WTAP: variants seen among roughly 807,000 people sequenced by gnomAD.
WTAP encodes the protein pre-mRNA-splicing regulator WTAP.
In WTAP, 8 loss-of-function variants were observed where a neutral mutation model predicts 50.0. The ratio of observed to expected loss-of-function variants is 0.16; its 90% CI spans 0.09 to 0.29. The LOEUF is 0.29. WTAP is among the 10% of genes least tolerant of loss of function. The probability of loss-of-function intolerance (pLI) is 1.00; values close to 1 mark genes in which losing one functional copy is unlikely to be tolerated. For synonymous variants in WTAP, 194 were observed against 169.0 expected, an observed-to-expected ratio of 1.15 and a Z score of -1.15; for missense variants, 295 against 470.7, an observed-to-expected ratio of 0.63 and a Z score of 3.45.
At position 159,738,836 on chromosome 6, in the gene WTAP, A is replaced by C. The variant is rs572102224; in HGVS notation, c.31-154A>C. 4.6e-5 allele frequency among the ~76,000 whole-genome samples: 7 copies of C among 152,306 alleles called. No individual in the cohort carries two copies. In the South Asian group the frequency reaches 1.4e-3, roughly 32 times the overall value. On this transcript the variant is annotated intron_variant, in intron 2 of 7. Transcript: ENST00000621533. ...AGATACCAAATAGTTTACCTTAAAA[A>C]AAAAAAACTTTTGTAATAAAATACT...
In WTAP at chr6:159,748,795, T is replaced by A; in HGVS notation, c.452+426T>A. The stretch of plus-strand genomic sequence containing the variant: ...TAAATCATGAATTGAACATGTAAAA[T>A]TCCAGTAAAATGTAAAAACGGAATA... On this transcript the variant is annotated intron_variant, in intron 6 of 7. Transcript: ENST00000621533. The surrounding 1 kb of genome is among the most constrained non-coding windows in gnomAD (Gnocchi z 5.6). The A allele has an allele frequency of 8.1e-7, 1 of 1,233,140 alleles. No homozygotes were observed. Among genetic ancestry groups the A allele is most frequent in the Non-Finnish European group, 1.0e-6 (1 of 988,942 alleles). 76.4% of individuals were successfully genotyped at this position (1,233,140 alleles called of 1,614,324 possible).
chr6:159,738,916 G>C, intron 2 of WTAP, 74 bp from the exon 3 acceptor site: 1 of 1,099,804 alleles, frequency 9.1e-7, no homozygotes, highest in Non-Finnish European at 1.3e-6. Context: ...CTTGGGAGAT[G>C]TTTCATAGGT....
At chr6:159,733,642 C>T (rs573982147) in intron 1 of WTAP, among the ~76,000 whole-genome samples, 13 of 151,474 alleles carry the variant, frequency 8.6e-5, no homozygotes, top group Admixed American at 2.0e-4. Flanking sequence ...AAGCCCAGCA[C>T]GCTGGCTCAT....
At chr6:159,730,070 A>C (rs538280563) in intron 1 of WTAP, among the ~76,000 whole-genome samples, 71 of 152,292 alleles carry the variant, frequency 4.7e-4, no homozygotes, top group Middle Eastern at 3.4e-3. Flanking sequence ...TGTAATTTTA[A>C]AACTAGTCAA....
intron 3 of WTAP, among the ~76,000 whole-genome samples, chr6:159,740,555 C>G (rs1427860951): frequency 1.3e-5 from 2 of 152,118 alleles, no homozygotes. Context: ...CACTGAAGAT[C>G]TTTCTCTATA....
chr6:159,747,742 G>A (rs1779658522), intron 5 of WTAP, among the ~76,000 whole-genome samples: 1 of 152,034 alleles, frequency 6.6e-6, no homozygotes, highest in South Asian at 2.1e-4. Context: ...TTTTTCCACT[G>A]GGTTGTCAGC....
intron 6 of WTAP, among the ~76,000 whole-genome samples, chr6:159,750,121 A>G (rs1387349106): frequency 6.6e-6 from 1 of 152,158 alleles, no homozygotes; most frequent in Non-Finnish European, 1.5e-5. Flanking sequence ...AATTCTCACT[A>G]TTTGTGAGGG....
At chr6:159,732,945 T>C (rs1232329828) in intron 1 of WTAP, among the ~76,000 whole-genome samples, 1 of 150,030 alleles carries the variant, frequency 6.7e-6, no homozygotes, top group African/African-American at 2.5e-5. Flanking sequence ...TCCAGACAAA[T>C]GGGAAATTAC....
chr6:159,726,797 G>C, upstream of WTAP: 1 of 1,289,222 alleles, frequency 7.8e-7, no homozygotes, highest in Non-Finnish European at 1.0e-6. Context: ...CCAGGAGACT[G>C]CGCCTCACGA....
At chr6:159,749,167 G>GT (rs1779731121) in intron 6 of WTAP, 1 of 985,880 alleles carries the variant, frequency 1.0e-6, no homozygotes, top group South Asian at 4.7e-5. Flanking sequence ...TGAAGGTGTG[G>GT]TATCAAACTT....
intron 3 of WTAP, among the ~76,000 whole-genome samples, chr6:159,739,626 T>C (rs1237399614): frequency 6.6e-6 from 1 of 152,214 alleles, no homozygotes; most frequent in Non-Finnish European, 1.5e-5. Context: ...ATATATTCTT[T>C]CTGTATTTTA....
At chr6:159,753,216 T>G in intron 6 of WTAP, 1 of 497,168 alleles carries the variant, frequency 2.0e-6, no homozygotes. Flanking sequence ...TGATTATTGA[T>G]GTAATAGAAA....
intron 1 of WTAP, among the ~76,000 whole-genome samples, chr6:159,729,068 A>G (rs1397570273): frequency 6.6e-6 from 1 of 152,224 alleles, no homozygotes; most frequent in African/African-American, 2.4e-5. Context: ...AAGCTGGTAG[A>G]GATGAAACAC....
chr6:159,752,659 TA>T (rs111964741), intron 6 of WTAP, among the ~76,000 whole-genome samples: 6,537 of 149,432 alleles, frequency 0.044, 232 homozygotes, highest in African/African-American at 0.083. Flanking sequence ...CTTAAGTCTT[TA>T]AAAAAAAAAC....
chr6:159,751,582 T>TA (rs1324001529), intron 6 of WTAP, among the ~76,000 whole-genome samples: 1 of 152,232 alleles, frequency 6.6e-6, no homozygotes, highest in East Asian at 1.9e-4. Context: ...AATCTGGAGC[T>TA]ACAGTAGCAG....
At chr6:159,743,318 A>T (rs1343720899) in intron 4 of WTAP, among the ~76,000 whole-genome samples, 1 of 152,244 alleles carries the variant, frequency 6.6e-6, no homozygotes, top group Non-Finnish European at 1.5e-5. Flanking sequence ...AAGTGCTGGG[A>T]TTACAGGCGT....
chr6:159,750,093 C>G (rs1361494907), intron 6 of WTAP, among the ~76,000 whole-genome samples: 2 of 152,134 alleles, frequency 1.3e-5, no homozygotes, highest in Non-Finnish European at 2.9e-5. Flanking sequence ...GACTTTTCAG[C>G]AAGAAATCTG....
intron 5 of WTAP, among the ~76,000 whole-genome samples, chr6:159,747,785 GT>G (rs1779660859): frequency 6.6e-6 from 1 of 152,052 alleles, no homozygotes; most frequent in South Asian, 2.1e-4. Flanking sequence ...ATTTTCGTTT[GT>G]TTTTTGGTAA....
At chr6:159,732,850 T>TC (rs1778661765) in intron 1 of WTAP, among the ~76,000 whole-genome samples, 2 of 147,754 alleles carry the variant, frequency 1.4e-5, no homozygotes, top group East Asian at 2.0e-4. Context: ...GTCTGCTTCT[T>TC]TCTCTCTCTC....
Sources: allele counts gnomAD v4.1 joint callset (sites outside exome capture counted in the v4.1 genomes callset), GRCh38; gene constraint gnomAD v4.1.1; non-coding constraint Gnocchi (gnomAD v3.1); transcripts MANE v1.5; gene names NCBI Gene and HGNC (gene_info 2026-07-23, HGNC 2026-07-21).